The following DPH6 variants were observed in gnomAD, a reference collection of about 807,000 sequenced individuals.
DPH6 encodes diphthamine biosynthesis 6, also known as diphthine--ammonia ligase.
Under a neutral mutation model 38.2 loss-of-function variants are expected in DPH6, and 33 were observed. That is an observed-to-expected ratio of 0.86 (90% CI 0.65 to 1.15). The LOEUF is 1.15. Among genes scored for constraint, DPH6 ranks in the 50% most tolerant of loss-of-function variants. The pLI is 0.00. For synonymous variants in DPH6, 108 were observed against 103.0 expected, an observed-to-expected ratio of 1.05 and a Z score of -0.30; for missense variants, 325 against 320.0, an observed-to-expected ratio of 1.02 and a Z score of -0.12.
chr15:35,467,679 C>A (rs2054144881), intron 3 of DPH6, among the ~76,000 whole-genome samples: 1 of 152,182 alleles, frequency 6.6e-6, no homozygotes, highest in South Asian at 2.1e-4. Context: ...TATCATCCCA[C>A]CGGAAGGTCT....
intron 3 of DPH6, among the ~76,000 whole-genome samples, chr15:35,479,044 G>A (rs1346298269): frequency 6.6e-6 from 1 of 152,000 alleles, no homozygotes; most frequent in Admixed American, 6.6e-5. Flanking sequence ...CATTTATAAA[G>A]CAGAACAGGA....
At chr15:35,362,081 C>T (rs73376759) in intron 3 of DPH6, among the ~76,000 whole-genome samples, 1 of 152,052 alleles carries the variant, frequency 6.6e-6, no homozygotes, top group African/African-American at 2.4e-5. Flanking sequence ...TGGCTTCACA[C>T]AGGGGAAGAC....
At chr15:35,328,399 G>A (rs576152076), downstream of DPH6, among the ~76,000 whole-genome samples, 106 of 151,862 alleles carry the variant, frequency 7.0e-4, 1 homozygote, top group Middle Eastern at 3.4e-3. Flanking sequence ...ATAATTACAT[G>A]TATTTTCCCT....
intron 3 of DPH6, among the ~76,000 whole-genome samples, chr15:35,477,841 T>C (rs1002767355): frequency 2.6e-5 from 4 of 151,914 alleles, no homozygotes; most frequent in Non-Finnish European, 4.4e-5. Context: ...GTATATTACA[T>C]GCACTGTAAT....
At chr15:35,194,369 C>CAGAGACGAGAG in the DPH6 span, among the ~76,000 whole-genome samples, 31 of 144,752 alleles carry the variant, frequency 2.1e-4, no homozygotes, top group Admixed American at 1.2e-3. Flanking sequence ...TTCCTTTTTC[C>CAGAGACGAGAG]AGAGAGAGAG....
intron 3 of DPH6, among the ~76,000 whole-genome samples, chr15:35,224,389 G>A (rs909472409): frequency 6.6e-6 from 1 of 152,110 alleles, no homozygotes; most frequent in African/African-American, 2.4e-5. Context: ...TTACAGGCAT[G>A]AGCCACCACG....
chr15:35,511,090 T>C (rs574204834), intron 3 of DPH6, among the ~76,000 whole-genome samples: 4 of 152,068 alleles, frequency 2.6e-5, no homozygotes, highest in South Asian at 2.1e-4. Context: ...GTTAGAAAAA[T>C]CTCAGGCTCC....
chr15:35,368,898 G>C (rs557113181), downstream of DPH6, among the ~76,000 whole-genome samples: 3 of 151,868 alleles, frequency 2.0e-5, no homozygotes, highest in African/African-American at 7.2e-5. Context: ...ACTAGAAAGA[G>C]AGTGACTTTA....
At chr15:35,178,907 C>T in the DPH6 span, among the ~76,000 whole-genome samples, 1 of 152,062 alleles carries the variant, frequency 6.6e-6, no homozygotes, top group African/African-American at 2.4e-5. Flanking sequence ...AATAAGTGCT[C>T]AATAAATGTG....
intron 3 of DPH6, among the ~76,000 whole-genome samples, chr15:35,470,255 AG>A (rs2054180906): frequency 2.0e-5 from 3 of 152,248 alleles, no homozygotes; most frequent in Admixed American, 1.3e-4. Flanking sequence ...CTAAGAACAG[AG>A]GGATAGACAG....
chr15:35,419,109 T>G (rs2053473148), intron 5 of DPH6, among the ~76,000 whole-genome samples: 2 of 148,048 alleles, frequency 1.4e-5, no homozygotes, highest in South Asian at 4.3e-4. Context: ...TTGAAATCTC[T>G]TCCTATCTCT....
intron 6 of DPH6, among the ~76,000 whole-genome samples, chr15:35,407,835 G>A (rs918163584): frequency 6.6e-6 from 1 of 151,928 alleles, no homozygotes; most frequent in Admixed American, 6.6e-5. Context: ...CTGAAAAGGT[G>A]GATAGGATGC....
intron 3 of DPH6, among the ~76,000 whole-genome samples, chr15:35,258,373 G>A (rs539142466): frequency 3.9e-5 from 6 of 152,330 alleles, no homozygotes; most frequent in African/African-American, 1.4e-4. Flanking sequence ...GACATTAAAG[G>A]AGGACACTTT....
downstream of DPH6, among the ~76,000 whole-genome samples, chr15:35,368,173 T>C (rs1283164504): frequency 6.6e-6 from 1 of 151,844 alleles, no homozygotes; most frequent in African/African-American, 2.4e-5. Flanking sequence ...TGCCTAAAGG[T>C]ATAAGAGTAT....
chr15:35,380,039 T>A (rs2052843190), intron 7 of DPH6, among the ~76,000 whole-genome samples: 1 of 152,026 alleles, frequency 6.6e-6, no homozygotes, highest in Non-Finnish European at 1.5e-5. Flanking sequence ...AGCATCAGAA[T>A]TAGATTGGTG....
At chr15:35,443,264 A>G (rs190304812) in intron 5 of DPH6, among the ~76,000 whole-genome samples, 14 of 152,284 alleles carry the variant, frequency 9.2e-5, no homozygotes, top group Non-Finnish European at 1.9e-4. Context: ...TATAATATCT[A>G]TATCTATTGG....
chr15:35,154,026 G>A, the DPH6 span, among the ~76,000 whole-genome samples: 2 of 152,134 alleles, frequency 1.3e-5, no homozygotes, highest in Non-Finnish European at 2.9e-5. Flanking sequence ...TCCAGAGAGA[G>A]GAAGGTAGCA....
chr15:35,357,978 T>C (rs1035295388), intron 3 of DPH6, among the ~76,000 whole-genome samples: 7 of 152,222 alleles, frequency 4.6e-5, no homozygotes, highest in Non-Finnish European at 8.8e-5. Flanking sequence ...CCAAATATGT[T>C]TTCCAAGCTT....
intron 3 of DPH6, among the ~76,000 whole-genome samples, chr15:35,294,538 C>T (rs2052001944): frequency 6.6e-6 from 1 of 151,912 alleles, no homozygotes; most frequent in Non-Finnish European, 1.5e-5. Flanking sequence ...CCTGTTGGTT[C>T]TCTTTAGTCT....
Sources: gnomAD v4.1 joint callset for allele counts (sites outside exome capture counted in the v4.1 genomes callset) on GRCh38, gnomAD v4.1.1 for gene constraint, MANE v1.5 for transcripts, NCBI Gene and HGNC (gene_info 2026-07-23, HGNC 2026-07-21) for gene names.